The following ALDH4A1 variants were observed in gnomAD, a reference collection of about 807,000 sequenced individuals.
The protein encoded by ALDH4A1 is delta-1-pyrroline-5-carboxylate dehydrogenase, mitochondrial.
In ALDH4A1, 46 loss-of-function variants were observed where a neutral mutation model predicts 70.5. The ratio of observed to expected loss-of-function variants is 0.65; its 90% CI spans 0.51 to 0.83. ALDH4A1 has a LOEUF of 0.83. Ranked by LOEUF, ALDH4A1 falls within the 40% of genes least tolerant of loss-of-function variation. ALDH4A1 has a pLI of 0.00. For missense variants in ALDH4A1, 749 were observed against 766.5 expected, an observed-to-expected ratio of 0.98 and a Z score of 0.27; for synonymous variants, 323 against 324.3, an observed-to-expected ratio of 1.00 and a Z score of 0.04.
Position 18,881,902 on chromosome 1 carries a change from T to C in ALDH4A1, c.679-15A>G. 1 of 1,611,456 alleles carries C rather than the reference T, an allele frequency of 6.2e-7. No individual in the cohort carries two copies. Among genetic ancestry groups the C allele is most frequent in the Non-Finnish European group, 8.5e-7 (1 of 1,179,606 alleles). On this transcript the variant is annotated splice_polypyrimidine_tract_variant and intron_variant, in intron 7 of 14. Transcript: ENST00000375341. ...ACCACGTTGCCCTGCCCGGGAGGTG[T>C]TTCAGTGATGCATGAGGATGGCGCC...
chr1:18,888,946 A>G (rs4911985), intron 3 of ALDH4A1, among the ~76,000 whole-genome samples: 32,754 of 152,222 alleles, frequency 0.22, 3,719 homozygotes, highest in Admixed American at 0.26. Context: ...TCACAGACCT[A>G]TGAGTTTCCT....
chr1:18,891,985 G>A (rs1294549247), intron 1 of ALDH4A1, among the ~76,000 whole-genome samples: 2 of 151,662 alleles, frequency 1.3e-5, no homozygotes, highest in Non-Finnish European at 2.9e-5. Context: ...CTGAGATCAC[G>A]CCACTGCACT....
At chr1:18,894,493 A>C (rs896171404) in intron 1 of ALDH4A1, among the ~76,000 whole-genome samples, 21 of 152,268 alleles carry the variant, frequency 1.4e-4, no homozygotes, top group African/African-American at 5.1e-4. Context: ...CAGTGAGCCC[A>C]GATCGTGCCA....
At position 18,872,440 on chromosome 1, in the gene ALDH4A1, G is replaced by A. The variant is rs1934480421; in HGVS notation, c.*405C>T. 1 of 176,714 alleles carries A rather than the reference G, an allele frequency of 5.7e-6. No homozygotes were observed. Among genetic ancestry groups the A allele is most frequent in the South Asian group, 1.4e-4 (1 of 7,234 alleles). 10.9% of individuals were successfully genotyped at this position (176,714 alleles called of 1,614,324 possible). On this transcript the variant is annotated 3_prime_UTR_variant, in exon 15 of 15. Coordinates refer to ENST00000375341, the MANE Select transcript of ALDH4A1 (RefSeq NM_003748.4). ...TTTACCCTGGACACCTGGAGGGGCA[G>A]GGATCAAGGCCAGGAGCCTCTGTGA...
rs898643305 is a variant in ALDH4A1 at position 18,902,387 on chromosome 1, G to A, written c.62+75C>T. 30 of 1,206,578 alleles carry A rather than the reference G, an allele frequency of 2.5e-5. No homozygotes were observed. In the African/African-American group the frequency reaches 4.7e-4, roughly 19 times the overall value. 74.7% of individuals were successfully genotyped at this position (1,206,578 alleles called of 1,614,324 possible). ...CCGGCAGGGAGGGAGTGCGGCGCGG[G>A]GGACGCCCAGTGACTCTCAGGCTCC... On this transcript the variant is annotated intron_variant, in intron 1 of 14. Coordinates refer to ENST00000375341, the MANE Select transcript of ALDH4A1 (RefSeq NM_003748.4).
At chr1:18,897,471 A>T (rs991330109) in intron 1 of ALDH4A1, among the ~76,000 whole-genome samples, 2 of 152,184 alleles carry the variant, frequency 1.3e-5, no homozygotes, top group Non-Finnish European at 2.9e-5. Context: ...TGAGCCCAGG[A>T]GGTGAAGGTT....
At chr1:18,876,168 T>C in intron 12 of ALDH4A1, 147 bp downstream of exon 12, 1 of 1,105,850 alleles carries the variant, frequency 9.0e-7, no homozygotes, top group Non-Finnish European at 1.3e-6. Context: ...CTGGCTCTAC[T>C]CTCTCCCGGT....
intron 11 of ALDH4A1, 139 bp from the exon 12 acceptor site, chr1:18,876,606 G>T: frequency 1.0e-6 from 1 of 967,580 alleles, no homozygotes; most frequent in Non-Finnish European, 1.5e-6. Context: ...GGGACGCCAA[G>T]GGCAAAAGCC....
In ALDH4A1 at chr1:18,885,492, G is replaced by A. The variant is rs1935160119; in HGVS notation, c.434C>T (p.Ala145Val). ...CCTCACCTGTCCCACCATGGTCTTG[G>A]CGAGGATCTCAGCCCTGCGCGGCCC... ...LSGPRRAEIL[A>V]KTMVGQGKTV... Residue 145 changes from alanine (A) to valine (V), a missense_variant, in exon 5 of 15, where the codon GCC becomes GTC. By Grantham distance (64) the Ala-to-Val change is moderately conservative. Transcript: ENST00000375341. The A allele has an allele frequency of 6.7e-7, 1 of 1,493,924 alleles. No homozygotes were observed. The highest frequency in any genetic ancestry group is 9.0e-7 in the Non-Finnish European group (1 of 1,111,550). 92.5% of individuals were successfully genotyped at this position (1,493,924 alleles called of 1,614,324 possible).
intron 3 of ALDH4A1, 104 bp from the exon 4 acceptor site, chr1:18,886,615 G>A (rs1038667789): frequency 3.4e-5 from 41 of 1,221,226 alleles, no homozygotes; most frequent in African/African-American, 1.9e-4. Context: ...TCCTGGACAC[G>A]CCTGCTGTCC....
chr1:18,874,435 T>G (rs1214141062), intron 14 of ALDH4A1, 28 bp downstream of exon 14: 1 of 1,603,260 alleles, frequency 6.2e-7, no homozygotes, highest in Admixed American at 1.7e-5. Context: ...GGAACTCAGC[T>G]CCCCTGTGGG....
At chr1:18,895,700 A>C (rs955964389) in intron 1 of ALDH4A1, among the ~76,000 whole-genome samples, 1 of 152,236 alleles carries the variant, frequency 6.6e-6, no homozygotes, top group Non-Finnish European at 1.5e-5. Context: ...TGGGCCAGCC[A>C]ATGCAGCTTC....
At chr1:18,883,558 C>T in intron 5 of ALDH4A1, 130 bp from the exon 6 acceptor site, 2 of 1,300,602 alleles carry the variant, frequency 1.5e-6, no homozygotes, top group Non-Finnish European at 2.1e-6. Flanking sequence ...ATTTGGAGGG[C>T]TCACCAGGTC....
chr1:18,882,460 C>A, intron 7 of ALDH4A1: 1 of 470,334 alleles, frequency 2.1e-6, no homozygotes, highest in Non-Finnish European at 4.4e-6. Flanking sequence ...ACCTCCCCCA[C>A]AGGCCTGGGA....
chr1:18,883,387 T>C lies in ALDH4A1; in HGVS notation c.495A>G (p.Glu165=). 2.5e-6 allele frequency: 4 copies of C among 1,613,462 alleles called. No individual in the cohort carries two copies. Among genetic ancestry groups the C allele is most frequent in the South Asian group, 1.1e-5 (1 of 91,088 alleles). ...CATTGAACCGGAAGAAGTCGATGAGTTCCGCTGCAGCGTCAATCTCCGCTT... is the reference window on the plus strand; with the variant it reads ...CATTGAACCGGAAGAAGTCGATGAGCTCCGCTGCAGCGTCAATCTCCGCTT... ...VIQAEIDAAA[E]LIDFFRFNAK... The change falls in exon 6 of 15, where the codon GAA becomes GAG. Residue 165 remains glutamate, a synonymous_variant. Transcript: ENST00000375341.
In ALDH4A1 at chr1:18,883,391, G is replaced by A. The variant is rs765782121; in HGVS notation, c.491C>T (p.Ala164Val). 5.3e-5 allele frequency: 86 copies of A among 1,613,380 alleles called. No individual in the cohort carries two copies. Among genetic ancestry groups the A allele is most frequent in the Non-Finnish European group, 6.4e-5 (76 of 1,180,054 alleles). ...TVIQAEIDAA[A>V]ELIDFFRFNA... ...GAACCGGAAGAAGTCGATGAGTTCC[G>A]CTGCAGCGTCAATCTCCGCTTGGAT... Residue 164 changes from alanine (A) to valine (V), a missense_variant, in exon 6 of 15, where the codon GCG becomes GTG. Transcript: ENST00000375341.
At chr1:18,892,345 C>T (rs1303503960) in intron 1 of ALDH4A1, among the ~76,000 whole-genome samples, 1 of 152,110 alleles carries the variant, frequency 6.6e-6, no homozygotes, top group Non-Finnish European at 1.5e-5. Flanking sequence ...ACAGAGACAG[C>T]GAGGCCCCTG....
intron 12 of ALDH4A1, 79 bp from the exon 13 acceptor site, chr1:18,875,582 G>T: frequency 6.2e-7 from 1 of 1,607,060 alleles, no homozygotes. Flanking sequence ...CCCCTGCTCT[G>T]GCTCACCCTC....
chr1:18,900,895 G>A, intron 1 of ALDH4A1: 1 of 985,198 alleles, frequency 1.0e-6, no homozygotes, highest in Non-Finnish European at 1.2e-6. Flanking sequence ...TTAGGCCCAT[G>A]GTGCTTGATT....
Sources: gnomAD v4.1 joint callset for allele counts (sites outside exome capture counted in the v4.1 genomes callset) on GRCh38, gnomAD v4.1.1 for gene constraint, MANE v1.5 for transcripts, NCBI Gene and HGNC (gene_info 2026-07-23, HGNC 2026-07-21) for gene names.